Variants in MRC1 observed in about 807,000 individuals in gnomAD.
The protein encoded by MRC1 is mannose receptor C-type 1.
Under a neutral mutation model 102.9 loss-of-function variants are expected in MRC1, and 62 were observed. That is an observed-to-expected ratio of 0.60 (90% confidence interval 0.49 to 0.74). The LOEUF (loss-of-function observed/expected upper bound fraction) is 0.74. MRC1 is among the 30% of genes least tolerant of loss of function. The pLI is 0.00. For synonymous variants in MRC1, 457 were observed against 298.4 expected, an observed-to-expected ratio of 1.53 and a Z score of -5.48; for missense variants, 1,237 against 862.8, an observed-to-expected ratio of 1.43 and a Z score of -5.43.
Position 17,872,042 on chromosome 10 carries a change from G to A in MRC1, c.2260G>A (p.Gly754Ser). ...PNNYQNVEYC[G>S]ELKGDPTMSW... ...TAATTATCAAAATGTTGAATACTGTGGTGAGCTGAAAGGTGACCCTACTAT... is the reference window on the plus strand; with the variant it reads ...TAATTATCAAAATGTTGAATACTGTAGTGAGCTGAAAGGTGACCCTACTAT... The change falls in exon 15 of 30, where the codon GGT becomes AGT. Residue 754 changes from glycine to serine, a missense_variant. Coordinates refer to ENST00000569591, the MANE Select transcript of MRC1 (RefSeq NM_002438.4). 1 of 780,640 alleles carries A rather than the reference G, an allele frequency of 1.3e-6. No homozygotes were observed. The highest frequency in any genetic ancestry group is 2.4e-6 in the Non-Finnish European group (1 of 417,852). 48.4% of individuals were successfully genotyped at this position (780,640 alleles called of 1,614,324 possible). A position where few individuals can be genotyped will look rare whatever the true frequency, so the allele number is the denominator to read the frequency against.
At chr10:17,832,656 C>T (rs1465892724) in intron 3 of MRC1, among the ~76,000 whole-genome samples, 8 of 150,082 alleles carry the variant, frequency 5.3e-5, no homozygotes, top group Non-Finnish European at 1.0e-4. Context: ...GACGCGATCT[C>T]GGCTCACTGC....
chr10:17,902,140 T>C lies in MRC1; in HGVS notation c.3799+18T>C. On this transcript the variant is annotated intron_variant, in intron 26 of 29. Transcript: ENST00000569591. ...TCGAATGGGTGAGTGCCACATTTCCTGAAGGAAAACTCCATAATCATCTAT... is the reference window on the plus strand; with the variant it reads ...TCGAATGGGTGAGTGCCACATTTCCCGAAGGAAAACTCCATAATCATCTAT... 1.3e-6 allele frequency: 1 copy of C among 775,870 alleles called. No individual in the cohort carries two copies. Among genetic ancestry groups the C allele is most frequent in the Non-Finnish European group, 2.4e-6 (1 of 415,394 alleles). 48.1% of individuals were successfully genotyped at this position (775,870 alleles called of 1,614,324 possible).
chr10:17,864,136 G>A (rs947486543), intron 11 of MRC1, among the ~76,000 whole-genome samples: 15 of 152,100 alleles, frequency 9.9e-5, no homozygotes, highest in African/African-American at 3.4e-4. Flanking sequence ...CTGAGTAGCT[G>A]GGACCACAGG....
At chr10:17,848,967 T>C (rs1589176614) in intron 6 of MRC1, among the ~76,000 whole-genome samples, 1 of 152,146 alleles carries the variant, frequency 6.6e-6, no homozygotes, top group Non-Finnish European at 1.5e-5. Context: ...CTCCCTAATG[T>C]CCATAGAATA....
chr10:17,887,034 A>G (rs2130700084), intron 22 of MRC1, among the ~76,000 whole-genome samples: 1 of 152,234 alleles, frequency 6.6e-6, no homozygotes, highest in East Asian at 1.9e-4. Flanking sequence ...ATAATTTGGT[A>G]GCTATTTGCC....
chr10:17,814,285 T>C (rs1838271786), intron 1 of MRC1, among the ~76,000 whole-genome samples: 2 of 152,288 alleles, frequency 1.3e-5, no homozygotes, highest in East Asian at 1.9e-4. Flanking sequence ...TCAGGAAAGA[T>C]ATAATGTGGT....
chr10:17,907,972 C>G (rs1340179119), intron 28 of MRC1, among the ~76,000 whole-genome samples: 1 of 152,158 alleles, frequency 6.6e-6, no homozygotes, highest in Admixed American at 6.5e-5. Context: ...TGCAAACAGT[C>G]AGGAGAGCCC....
intron 9 of MRC1, among the ~76,000 whole-genome samples, chr10:17,861,082 G>T (rs961712888): frequency 1.3e-5 from 2 of 152,210 alleles, no homozygotes; most frequent in Non-Finnish European, 2.9e-5. Flanking sequence ...GGCCAAGGCG[G>T]GTAGATCACT....
intron 1 of MRC1, among the ~76,000 whole-genome samples, chr10:17,815,838 T>G (rs554845243): frequency 6.6e-6 from 1 of 152,296 alleles, no homozygotes; most frequent in South Asian, 2.1e-4. Context: ...CTTTTCTTTT[T>G]TTTTTTGAGA....
At chr10:17,850,680 A>T (rs1838901256) in intron 7 of MRC1, among the ~76,000 whole-genome samples, 1 of 152,080 alleles carries the variant, frequency 6.6e-6, no homozygotes, top group Non-Finnish European at 1.5e-5. Context: ...GCTGCTCTTC[A>T]TTTCCCCCCA....
At chr10:17,901,781 T>C (rs1833833237) in intron 25 of MRC1, among the ~76,000 whole-genome samples, 192 bp from the exon 26 acceptor site, 2 of 152,138 alleles carry the variant, frequency 1.3e-5, no homozygotes, top group African/African-American at 2.4e-5. Flanking sequence ...GCACATTCTA[T>C]TGAAATATAT....
Position 17,809,517 on chromosome 10 carries a change from C to A in MRC1, c.52C>A (p.Leu18Ile), listed in dbSNP as rs1838190693. The change falls in exon 1 of 30, where the codon CTC becomes ATC. Residue 18 changes from leucine to isoleucine, a missense_variant. Physicochemically the swap from Leu to Ile is conservative, Grantham distance 5. Coordinates refer to ENST00000569591, the MANE Select transcript of MRC1 (RefSeq NM_002438.4). The stretch of plus-strand genomic sequence containing the variant: ...TGCCTCTGTCATTCCGGGTGCTGTT[C>A]TCCTACTGGGTAAGTCTGCTCTGAG... ...VFASVIPGAV[L>I]LLDTRQFLIY... is the part of the protein sequence containing the mutation. 1.1e-6 allele frequency: 1 copy of A among 872,688 alleles called. No homozygotes were observed. The highest frequency in any genetic ancestry group is 1.6e-5 in the African/African-American group (1 of 61,328). The allele number at this position is 872,688 out of a possible 1,614,324, so 54.1% of individuals were successfully genotyped here. A position where few individuals can be genotyped will look rare whatever the true frequency, so the allele number is the denominator to read the frequency against.
chr10:17,825,978 G>A (rs1004920649), intron 2 of MRC1, among the ~76,000 whole-genome samples: 4 of 151,988 alleles, frequency 2.6e-5, no homozygotes, highest in Non-Finnish European at 4.4e-5. Context: ...AGCTGGAATC[G>A]CATTTTAAAG....
intron 5 of MRC1, among the ~76,000 whole-genome samples, chr10:17,843,116 A>C (rs968000081): frequency 1.2e-4 from 19 of 152,380 alleles, no homozygotes; most frequent in African/African-American, 4.3e-4. Flanking sequence ...TATGGTAAAC[A>C]TCAAAACCAC....
At chr10:17,875,001 T>C in intron 16 of MRC1, 89 bp from the exon 17 acceptor site, 3 of 777,856 alleles carry the variant, frequency 3.9e-6, no homozygotes, top group Non-Finnish European at 7.2e-6. Context: ...ATATAGCAGC[T>C]CTATCCCTTT....
intron 1 of MRC1, among the ~76,000 whole-genome samples, chr10:17,814,264 G>C (rs1315728647): frequency 6.6e-6 from 1 of 152,126 alleles, no homozygotes; most frequent in Non-Finnish European, 1.5e-5. Context: ...TTACTACCTG[G>C]AGTGTGTTGA....
intron 3 of MRC1, among the ~76,000 whole-genome samples, chr10:17,832,737 G>A (rs1051611416): frequency 4.0e-5 from 6 of 150,766 alleles, no homozygotes; most frequent in Admixed American, 6.6e-5. Context: ...ACAGGCGCCC[G>A]CCACCACGCC....
chr10:17,829,720 G>T (rs1476995401), intron 3 of MRC1, among the ~76,000 whole-genome samples: 1 of 151,416 alleles, frequency 6.6e-6, no homozygotes, highest in Admixed American at 6.5e-5. Flanking sequence ...TTTCTTAAGG[G>T]TATATATTTC....
rs1042221910 is a variant in MRC1, at chr10:17,827,866, T to C, written c.637+151T>C. On this transcript the variant is annotated intron_variant, in intron 3 of 29. Coordinates refer to ENST00000569591, the MANE Select transcript of MRC1 (RefSeq NM_002438.4). ...CTACAGCCCTTTACAGACGTTATTA[T>C]TTCCATTTTCCAATGGAGAAAATGA... The C allele has an allele frequency of 6.5e-4, 426 of 651,588 alleles. No individual in the cohort carries two copies. In the African/African-American group the frequency reaches 6.6e-3, roughly 10 times the overall value. 40.4% of individuals were successfully genotyped at this position (651,588 alleles called of 1,614,324 possible). A position where few individuals can be genotyped will look rare whatever the true frequency, so the allele number is the denominator to read the frequency against.
Sources: gnomAD v4.1 joint callset for allele counts (sites outside exome capture counted in the v4.1 genomes callset) on GRCh38, gnomAD v4.1.1 for gene constraint, MANE v1.5 for transcripts, NCBI Gene and HGNC (gene_info 2026-07-23, HGNC 2026-07-21) for gene names.